CMSS1: variants seen among roughly 807,000 people sequenced by gnomAD.
CMSS1 encodes the protein cms1 ribosomal small subunit homolog.
In CMSS1, 33 loss-of-function variants were observed where a neutral mutation model predicts 43.5. That is an observed-to-expected ratio of 0.76 (90% CI 0.57 to 1.01). The LOEUF (loss-of-function observed/expected upper bound fraction) is 1.01, where lower values mean the gene tolerates loss of function less well. CMSS1 is among the 50% of genes least tolerant of loss of function. CMSS1 has a pLI of 0.00. For missense variants in CMSS1, 313 were observed against 326.4 expected (o/e 0.96, Z 0.32); for synonymous variants, 115 against 117.2 (o/e 0.98, Z 0.12).
At chr3:99,902,876 GA>G (rs1316754793) in intron 1 of CMSS1, among the ~76,000 whole-genome samples, 1 of 152,106 alleles carries the variant, frequency 6.6e-6, no homozygotes, top group African/African-American at 2.4e-5. Flanking sequence ...ATAGATTAAA[GA>G]GGAAAAAAAT....
chr3:100,034,888 ATATCTC>A (rs974817822), intron 1 of CMSS1, among the ~76,000 whole-genome samples: 21 of 152,284 alleles, frequency 1.4e-4, no homozygotes, highest in African/African-American at 5.1e-4. Context: ...TCTCAGTAGA[ATATCTC>A]AATCACTGCA....
intron 1 of CMSS1, among the ~76,000 whole-genome samples, chr3:100,111,288 G>A (rs543141148): frequency 6.6e-6 from 1 of 152,162 alleles, no homozygotes; most frequent in African/African-American, 2.4e-5. Context: ...CAAACAATAG[G>A]TCAGGGCTAT....
intron 1 of CMSS1, among the ~76,000 whole-genome samples, chr3:99,930,217 A>G (rs1707433783): frequency 6.6e-6 from 1 of 152,246 alleles, no homozygotes; most frequent in Non-Finnish European, 1.5e-5. Flanking sequence ...TAATTACACA[A>G]TTAATGTTTT....
chr3:100,165,235 A>T (rs867274857), intron 4 of CMSS1, among the ~76,000 whole-genome samples: 10 of 152,308 alleles, frequency 6.6e-5, no homozygotes, highest in African/African-American at 2.4e-4. Flanking sequence ...AGGAGAAAAC[A>T]GCTTTGAATT....
intron 1 of CMSS1, among the ~76,000 whole-genome samples, chr3:99,917,006 G>A (rs747217606): frequency 1.8e-4 from 27 of 152,190 alleles, no homozygotes; most frequent in Non-Finnish European, 3.1e-4. Flanking sequence ...TTTTGATATG[G>A]TTTAGTGGCT....
At position 99,887,428 on chromosome 3, in the gene CMSS1, C is replaced by A. The variant is rs1376152224; in HGVS notation, c.64+69385C>A. ...TAGTCATTGGTTGGCTCTCATGGAG[C>A]AGAGCTGGGCCTCTGCAGGCAATTG... On this transcript the variant is annotated intron_variant, in intron 1 of 9. Coordinates refer to ENST00000421999, the MANE Select transcript of CMSS1 (RefSeq NM_032359.4). Among the ~76,000 whole-genome samples the A allele has an allele frequency of 3.9e-5, 6 of 152,160 alleles. No individual in the cohort carries two copies. The East Asian group carries it at 1.2e-3, about 29-fold the overall frequency.
At chr3:100,102,076 AACAT>A (rs1167795241) in intron 1 of CMSS1, among the ~76,000 whole-genome samples, 1 of 152,224 alleles carries the variant, frequency 6.6e-6, no homozygotes, top group Non-Finnish European at 1.5e-5. Flanking sequence ...TGCCACAATA[AACAT>A]ACGTGTGCAT....
intron 1 of CMSS1, among the ~76,000 whole-genome samples, chr3:99,987,671 C>T (rs1190937524): frequency 6.6e-6 from 1 of 152,054 alleles, no homozygotes; most frequent in African/African-American, 2.4e-5. Flanking sequence ...CTGTTATTAA[C>T]ATGACCCAAA....
chr3:100,020,979 A>G (rs973441860), intron 1 of CMSS1, among the ~76,000 whole-genome samples: 1 of 152,064 alleles, frequency 6.6e-6, no homozygotes, highest in Admixed American at 6.5e-5. Flanking sequence ...TGTTGGCCAG[A>G]TGGTCCTGAT....
At chr3:99,997,494 G>A (rs1159911278) in intron 1 of CMSS1, among the ~76,000 whole-genome samples, 1 of 152,178 alleles carries the variant, frequency 6.6e-6, no homozygotes, top group East Asian at 1.9e-4. Flanking sequence ...TGATACCCCA[G>A]TGGTTCTCAA....
intron 1 of CMSS1, among the ~76,000 whole-genome samples, chr3:100,030,051 A>G (rs1267636840): frequency 6.6e-6 from 1 of 152,186 alleles, no homozygotes; most frequent in Non-Finnish European, 1.5e-5. Flanking sequence ...GAAATGAAGA[A>G]AATCAGAACT....
At chr3:100,062,484 G>A (rs1194995274) in intron 1 of CMSS1, among the ~76,000 whole-genome samples, 1 of 152,048 alleles carries the variant, frequency 6.6e-6, no homozygotes, top group Non-Finnish European at 1.5e-5. Context: ...TTAGTCCTCT[G>A]TGTTATGCAT....
At chr3:100,132,378 G>A (rs2066715864) in intron 1 of CMSS1, among the ~76,000 whole-genome samples, 1 of 152,064 alleles carries the variant, frequency 6.6e-6, no homozygotes, top group African/African-American at 2.4e-5. Context: ...ACTGCAGCCT[G>A]GGCAACAGAA....
At position 99,958,205 on chromosome 3, in the gene CMSS1, T is replaced by C. The variant is rs532238645; in HGVS notation, c.64+140162T>C. On this transcript the variant is annotated intron_variant, in intron 1 of 9. Coordinates refer to ENST00000421999, the MANE Select transcript of CMSS1 (RefSeq NM_032359.4). ...ACCTAGGTATTAAGCCCTGCATGCATTATTATTATTATTATTATTATTATT... is the reference window on the plus strand; with the variant it reads ...ACCTAGGTATTAAGCCCTGCATGCACTATTATTATTATTATTATTATTATT... 2.4e-4 allele frequency among the ~76,000 whole-genome samples: 4 copies of C among 16,412 alleles called. No individual in the cohort carries two copies. In the South Asian group the frequency reaches 6.1e-3, roughly 25 times the overall value. The allele number at this position is 16,412 out of a possible 152,430, so 10.8% of individuals were successfully genotyped here.
intron 2 of CMSS1, among the ~76,000 whole-genome samples, chr3:100,160,143 A>G (rs1225586046): frequency 1.3e-5 from 2 of 152,148 alleles, no homozygotes; most frequent in Non-Finnish European, 2.9e-5. Context: ...AATCTCCAAT[A>G]CACTGCACTT....
chr3:100,058,186 G>A lies in CMSS1; in HGVS notation c.65-88787G>A, dbSNP rs116799118. Among the ~76,000 whole-genome samples, 980 of 152,290 alleles carry A rather than the reference G, an allele frequency of 6.4e-3. 5 individuals carry two copies. The highest frequency in any genetic ancestry group is 0.022 in the African/African-American group (928 of 41,564). ...TGAGACTCCTATCTGTCTGACTCTAGAGCCTATGCTATTACTCTCTATACC... is the reference window on the plus strand; with the variant it reads ...TGAGACTCCTATCTGTCTGACTCTAAAGCCTATGCTATTACTCTCTATACC... On this transcript the variant is annotated intron_variant, in intron 1 of 9. Transcript: ENST00000421999.
rs201280553 is a variant in CMSS1, at chr3:99,931,016, C to T, written c.64+112973C>T. 9.1e-5 allele frequency: 147 copies of T among 1,613,126 alleles called. 1 individual carries two copies. In the African/African-American group the frequency reaches 1.4e-3, roughly 16 times the overall value. On this transcript the variant is annotated intron_variant, in intron 1 of 9. Transcript: ENST00000421999. ...GCCCTCGGTATCACTGCCTCTGGAA[C>T]GCATTCTTTAAAGCCTGGAAGGAGG...
At chr3:99,922,624 G>A (rs1371107981) in intron 1 of CMSS1, among the ~76,000 whole-genome samples, 2 of 152,162 alleles carry the variant, frequency 1.3e-5, no homozygotes, top group Non-Finnish European at 2.9e-5. Flanking sequence ...TGAATTGGAA[G>A]TAGTTGAATA....
At chr3:99,924,730 C>G (rs575636837) in intron 1 of CMSS1, among the ~76,000 whole-genome samples, 8 of 152,282 alleles carry the variant, frequency 5.3e-5, no homozygotes, top group African/African-American at 1.9e-4. Flanking sequence ...CCACGTTGGT[C>G]AGGCTGGTCT....
Sources: gnomAD v4.1 joint callset for allele counts (sites outside exome capture counted in the v4.1 genomes callset) on GRCh38, gnomAD v4.1.1 for gene constraint, MANE v1.5 for transcripts, NCBI Gene and HGNC (gene_info 2026-07-23, HGNC 2026-07-21) for gene names.